Variants in MALRD1 observed in about 807,000 individuals in gnomAD.
MALRD1 encodes MAM and LDL receptor class A domain containing 1.
MALRD1 carries 247 observed loss-of-function variants against 242.1 expected under a neutral mutation model. That is an observed-to-expected ratio of 1.02 (90% CI 0.92 to 1.13). The LOEUF is 1.13. MALRD1 is among the 50% of genes most tolerant of loss of function. MALRD1 has a pLI of 0.00. For synonymous variants in MALRD1, 995 were observed against 866.6 expected (o/e 1.15, Z -2.60); for missense variants, 2,989 against 2,533.1 (o/e 1.18, Z -3.86).
Position 19,329,590 on chromosome 10 carries a change from A to C in MALRD1, c.3688-1779A>C, listed in dbSNP as rs531321594. 4.0e-3 allele frequency among the ~76,000 whole-genome samples: 611 copies of C among 152,322 alleles called. 4 individuals are homozygous for C. The highest frequency in any genetic ancestry group is 0.014 in the African/African-American group (593 of 41,580). On this transcript the variant is annotated intron_variant, in intron 23 of 39. Transcript: ENST00000454679. ...TATTATTATCTCCATATTATAAATT[A>C]GAATACAGAAATACCCAGATGTTAG...
chr10:19,068,364 T>A (rs1320356911), intron 2 of MALRD1, among the ~76,000 whole-genome samples: 1 of 151,974 alleles, frequency 6.6e-6, no homozygotes. Context: ...AATGGGGCAA[T>A]TCACACCAAA....
At chr10:19,339,282 C>A (rs983049595) in intron 24 of MALRD1, among the ~76,000 whole-genome samples, 4 of 152,062 alleles carry the variant, frequency 2.6e-5, no homozygotes, top group African/African-American at 9.7e-5. Flanking sequence ...GAATTTCTGA[C>A]CTCTCTCCTT....
intron 35 of MALRD1, among the ~76,000 whole-genome samples, chr10:19,612,240 C>T (rs1048607823): frequency 2.0e-5 from 3 of 151,900 alleles, no homozygotes; most frequent in African/African-American, 7.2e-5. Flanking sequence ...GTCAAACCAG[C>T]AAATTCCTTA....
At chr10:19,620,987 A>G (rs1839375729) in intron 36 of MALRD1, among the ~76,000 whole-genome samples, 1 of 149,744 alleles carries the variant, frequency 6.7e-6, no homozygotes, top group Admixed American at 6.6e-5. Flanking sequence ...TATAGGATAG[A>G]GCAACTACCA....
At chr10:19,193,479 T>C (rs11008876) in intron 14 of MALRD1, among the ~76,000 whole-genome samples, 26,677 of 152,090 alleles carry the variant, frequency 0.18, 2,480 homozygotes, top group Non-Finnish European at 0.2. Context: ...CTCTTGAGCC[T>C]GGGAGGTTGA....
chr10:19,730,100 T>TA lies in MALRD1; in HGVS notation c.6315-605dup, dbSNP rs142013994. Reference sequence around the variant, plus strand: ...AATAATCATATGGAGCCCAGTTAATTATAGTGAATTATGCACATGTAGTCC... The same window carrying TA: ...AATAATCATATGGAGCCCAGTTAATTAATAGTGAATTATGCACATGTAGTCC... On this transcript the variant is annotated intron_variant, in intron 38 of 39. Coordinates refer to ENST00000454679, the MANE Select transcript of MALRD1 (RefSeq NM_001142308.3). 1.6e-3 allele frequency among the ~76,000 whole-genome samples: 239 copies of TA among 152,324 alleles called. 4 individuals carry two copies. The East Asian group carries it at 0.031, about 20-fold the overall frequency.
intron 36 of MALRD1, among the ~76,000 whole-genome samples, chr10:19,681,543 G>A (rs1842372684): frequency 6.6e-6 from 1 of 151,954 alleles, no homozygotes; most frequent in South Asian, 2.1e-4. Context: ...TGGTTATTCT[G>A]GTTAACGCCT....
At chr10:19,513,695 G>A (rs1249712378) in intron 31 of MALRD1, among the ~76,000 whole-genome samples, 1 of 151,672 alleles carries the variant, frequency 6.6e-6, no homozygotes, top group East Asian at 1.9e-4. Context: ...GCTGAGATTG[G>A]GCCACTGTAC....
intron 1 of MALRD1, among the ~76,000 whole-genome samples, chr10:19,054,822 C>G (rs1196981060): frequency 6.6e-6 from 1 of 152,122 alleles, no homozygotes; most frequent in Non-Finnish European, 1.5e-5. Context: ...TAAATTGATT[C>G]TACATCTTGG....
chr10:19,559,455 C>T (rs7080499), intron 32 of MALRD1, among the ~76,000 whole-genome samples: 8,385 of 152,048 alleles, frequency 0.055, 758 homozygotes, highest in African/African-American at 0.19. Flanking sequence ...ATCCCATATA[C>T]TTTGATTAAG....
rs1409871254 is a variant in MALRD1 at position 19,067,850 on chromosome 10, GT to G, written c.340+993del. Among the ~76,000 whole-genome samples the G allele has an allele frequency of 2.0e-5, 3 of 151,736 alleles. No individual in the cohort carries two copies. The East Asian group carries it at 5.8e-4, about 29-fold the overall frequency. ...TAGTCCATTTCTGAATAATTTTGGT[GT>G]TGCTAATGTTACTTCTATATTGATA... is the stretch of plus-strand genomic sequence containing the variant. On this transcript the variant is annotated intron_variant, in intron 2 of 39. Coordinates refer to ENST00000454679, the MANE Select transcript of MALRD1 (RefSeq NM_001142308.3).
intron 26 of MALRD1, among the ~76,000 whole-genome samples, chr10:19,381,431 A>G (rs1244989229): frequency 6.6e-6 from 1 of 152,196 alleles, no homozygotes; most frequent in East Asian, 1.9e-4. Flanking sequence ...CTTTCACAAG[A>G]TCTGCTGAAG....
intron 28 of MALRD1, among the ~76,000 whole-genome samples, chr10:19,437,944 A>G (rs2130970873): frequency 6.6e-6 from 1 of 152,094 alleles, no homozygotes; most frequent in East Asian, 1.9e-4. Flanking sequence ...CCTTCCTTAC[A>G]ATTTTTGGTA....
At chr10:19,562,345 T>TAGA (rs1564442801) in intron 32 of MALRD1, among the ~76,000 whole-genome samples, 45 of 82,706 alleles carry the variant, frequency 5.4e-4, no homozygotes, top group East Asian at 2.7e-3. Flanking sequence ...AGATAGATAG[T>TAGA]TAGATAGATA....
At chr10:19,111,012 T>A (rs1391836956) in intron 5 of MALRD1, among the ~76,000 whole-genome samples, 1 of 152,182 alleles carries the variant, frequency 6.6e-6, no homozygotes, top group Non-Finnish European at 1.5e-5. Flanking sequence ...TGCTTGGGAA[T>A]TGAGATGGCC....
chr10:19,209,953 G>C (rs1328959781), intron 18 of MALRD1, among the ~76,000 whole-genome samples: 4 of 152,106 alleles, frequency 2.6e-5, no homozygotes, highest in African/African-American at 9.7e-5. Flanking sequence ...TTGCTTTACT[G>C]AAATGAACAA....
intron 22 of MALRD1, among the ~76,000 whole-genome samples, chr10:19,325,809 G>A (rs933021899): frequency 2.6e-5 from 4 of 152,058 alleles, no homozygotes; most frequent in Admixed American, 6.6e-5. Flanking sequence ...AAGATTAGAC[G>A]TGAGTTTCCT....
chr10:19,729,917 T>C (rs917930788), intron 38 of MALRD1, among the ~76,000 whole-genome samples: 75 of 151,590 alleles, frequency 4.9e-4, no homozygotes, highest in African/African-American at 1.7e-3. Flanking sequence ...TTTTGTATTT[T>C]CAGTAGAGAC....
chr10:19,205,809 G>A (rs775576137), intron 17 of MALRD1, among the ~76,000 whole-genome samples: 11 of 151,984 alleles, frequency 7.2e-5, no homozygotes, highest in African/African-American at 2.4e-4. Context: ...GGCCAGATTC[G>A]CAGGCCTTTG....
Sources: gnomAD v4.1 joint callset for allele counts (sites outside exome capture counted in the v4.1 genomes callset) on GRCh38, gnomAD v4.1.1 for gene constraint, MANE v1.5 for transcripts, NCBI Gene and HGNC (gene_info 2026-07-23, HGNC 2026-07-21) for gene names.